The following UGT1A6 variants were observed in gnomAD, a reference collection of about 807,000 sequenced individuals.
The protein encoded by UGT1A6 is UDP-glucuronosyltransferase 1A6.
Under a neutral mutation model 44.4 loss-of-function variants are expected in UGT1A6, and 32 were observed. That is an observed-to-expected ratio of 0.72 (90% confidence interval 0.54 to 0.97). The LOEUF is 0.97. Ranked by LOEUF, UGT1A6 falls within the 50% of genes least tolerant of loss-of-function variation. The pLI, the probability that UGT1A6 is intolerant of heterozygous loss-of-function variation, is 0.00. For synonymous variants in UGT1A6, 238 were observed against 248.5 expected (o/e 0.96, Z 0.40); for missense variants, 685 against 661.9 (o/e 1.03, Z -0.38).
chr2:233,699,011 G>A (rs924046533), intron 1 of UGT1A6, among the ~76,000 whole-genome samples: 2 of 152,200 alleles, frequency 1.3e-5, no homozygotes, highest in Admixed American at 6.5e-5. Context: ...AAGAACATGA[G>A]AGGCTGAGCC....
chr2:233,724,607 C>G (rs536726765), intron 1 of UGT1A6, among the ~76,000 whole-genome samples: 1,973 of 135,436 alleles, frequency 0.015, 114 homozygotes, highest in Non-Finnish European at 0.021. Context: ...GATGGGCGGC[C>G]GGGCAGAGAC....
chr2:233,711,956 A>G (rs2076206805), intron 1 of UGT1A6, among the ~76,000 whole-genome samples: 1 of 152,196 alleles, frequency 6.6e-6, no homozygotes, highest in African/African-American at 2.4e-5. Context: ...TTAATTCTCC[A>G]TTTTGAAATT....
At chr2:233,743,602 G>T in intron 1 of UGT1A6, 1 of 1,367,274 alleles carries the variant, frequency 7.3e-7, no homozygotes, top group Non-Finnish European at 9.8e-7. Context: ...GGTCCTGGCC[G>T]CCGAAGAACT....
intron 1 of UGT1A6, among the ~76,000 whole-genome samples, chr2:233,757,535 A>AATATATATACATAT (rs376887521): frequency 1.4e-4 from 12 of 88,292 alleles, no homozygotes; most frequent in Admixed American, 3.3e-4. Context: ...GCCTGTAAGG[A>AATATATATACATAT]ATATATATAT....
chr2:233,742,208 G>A (rs1691908549), intron 1 of UGT1A6, among the ~76,000 whole-genome samples: 1 of 152,036 alleles, frequency 6.6e-6, no homozygotes, highest in South Asian at 2.1e-4. Flanking sequence ...GGGACTCACA[G>A]CCTTCAGGGC....
chr2:233,720,767 C>T (rs550051357), intron 1 of UGT1A6, among the ~76,000 whole-genome samples: 21 of 150,960 alleles, frequency 1.4e-4, no homozygotes, highest in African/African-American at 4.9e-4. Flanking sequence ...GGGCAGTGGC[C>T]GGATCTCCGC....
intron 1 of UGT1A6, among the ~76,000 whole-genome samples, chr2:233,735,232 C>A (rs1233403714): frequency 6.6e-6 from 1 of 152,064 alleles, no homozygotes; most frequent in Admixed American, 6.5e-5. Context: ...GGATAGTTAG[C>A]TCTTGTTGTT....
chr2:233,764,618 A>G (rs1306085339), intron 1 of UGT1A6, among the ~76,000 whole-genome samples: 3 of 152,108 alleles, frequency 2.0e-5, no homozygotes, highest in Non-Finnish European at 2.9e-5. Flanking sequence ...AGTGGGTTTC[A>G]TGAAGAGCAA....
intron 1 of UGT1A6, among the ~76,000 whole-genome samples, chr2:233,762,822 C>T (rs1698173721): frequency 6.6e-6 from 1 of 150,904 alleles, no homozygotes; most frequent in African/African-American, 2.4e-5. Flanking sequence ...TATTGATTTT[C>T]ATAATAAAAA....
intron 1 of UGT1A6, among the ~76,000 whole-genome samples, chr2:233,761,453 G>A (rs1414983430): frequency 2.6e-5 from 4 of 152,196 alleles, no homozygotes. Flanking sequence ...GCTGGGTTTG[G>A]GGCACCCTGC....
chr2:233,736,909 G>T (rs1037857066), intron 1 of UGT1A6, among the ~76,000 whole-genome samples: 5 of 152,172 alleles, frequency 3.3e-5, no homozygotes, highest in Non-Finnish European at 1.5e-5. Flanking sequence ...TCCTCTGGAA[G>T]CTTCATACCA....
intron 1 of UGT1A6, chr2:233,743,916 T>A: frequency 7.3e-7 from 1 of 1,364,598 alleles, no homozygotes; most frequent in South Asian, 1.1e-5. Context: ...TAGTCCACCA[T>A]GCTGGATGGC....
At chr2:233,763,692 T>G (rs28900398) in intron 1 of UGT1A6, among the ~76,000 whole-genome samples, 3,195 of 152,308 alleles carry the variant, frequency 0.021, 100 homozygotes, top group African/African-American at 0.073. Context: ...GATAAAACTT[T>G]TATTGCACAA....
At chr2:233,743,962 C>G (rs189644754) in intron 1 of UGT1A6, 1 of 1,331,618 alleles carries the variant, frequency 7.5e-7, no homozygotes, top group Non-Finnish European at 1.0e-6. Flanking sequence ...CAGCGAGCGG[C>G]AAGGCTGCCA....
intron 1 of UGT1A6, among the ~76,000 whole-genome samples, chr2:233,706,678 C>T (rs2075919133): frequency 6.6e-6 from 1 of 152,170 alleles, no homozygotes; most frequent in Non-Finnish European, 1.5e-5. Flanking sequence ...CTACTCCCCA[C>T]CCCACTCCTT....
At chr2:233,713,320 T>C (rs778430084) in intron 1 of UGT1A6, 1 of 1,614,228 alleles carries the variant, frequency 6.2e-7, no homozygotes, top group Admixed American at 1.7e-5. Context: ...CTGATGAAAT[T>C]TTCTAGAAGA....
intron 1 of UGT1A6, among the ~76,000 whole-genome samples, chr2:233,738,401 T>G (rs1318254464): frequency 6.6e-6 from 1 of 152,210 alleles, no homozygotes; most frequent in African/African-American, 2.4e-5. Context: ...GACTTGGAAC[T>G]GGGTAACAGG....
At chr2:233,718,930 A>T in intron 1 of UGT1A6, 3 of 1,614,066 alleles carry the variant, frequency 1.9e-6, no homozygotes, top group African/African-American at 1.3e-5. Context: ...GTGCCCACTG[A>T]TGGCAGCCCC....
chr2:233,721,741 A>C, intron 1 of UGT1A6: 1 of 434,764 alleles, frequency 2.3e-6, no homozygotes, highest in Non-Finnish European at 4.6e-6. Context: ...CTTAATGATG[A>C]GAGAATCTAC....
Sources: gnomAD v4.1 joint callset for allele counts (sites outside exome capture counted in the v4.1 genomes callset) on GRCh38, gnomAD v4.1.1 for gene constraint, MANE v1.5 for transcripts, NCBI Gene and HGNC (gene_info 2026-07-23, HGNC 2026-07-21) for gene names.